ANKZF1: variants seen among roughly 807,000 people sequenced by gnomAD.
ANKZF1 encodes the protein ankyrin repeat and zinc finger peptidyl tRNA hydrolase 1.
A neutral mutation model predicts 86.0 loss-of-function variants in ANKZF1; 84 were observed. That is an observed-to-expected ratio of 0.98 (90% CI 0.82 to 1.17). The LOEUF (loss-of-function observed/expected upper bound fraction) is 1.17. ANKZF1 is among the 50% of genes most tolerant of loss of function. The pLI is 0.00. For synonymous variants in ANKZF1, 331 were observed against 354.2 expected, an observed-to-expected ratio of 0.93 and a Z score of 0.74; for missense variants, 893 against 918.4, an observed-to-expected ratio of 0.97 and a Z score of 0.36.
At chr2:219,235,659 C>T in intron 11 of ANKZF1, 49 bp from the exon 12 acceptor site, 1 of 1,610,964 alleles carries the variant, frequency 6.2e-7, no homozygotes, top group Non-Finnish European at 8.5e-7. Context: ...CTACTTCTTG[C>T]AGTTTTACCA....
In ANKZF1 at chr2:219,234,975, G is replaced by C. The variant is rs763178651; in HGVS notation, c.1354G>C (p.Ala452Pro). The stretch of plus-strand genomic sequence containing the variant: ...GAAGGAGAAAAGCCGAGACCAGGAG[G>C]CTGGGGCACATCGGACTCTTCTCCA... ...NKKEKSRDQE[A>P]GAHRTLLQQT... The change falls in exon 10 of 14, where the codon GCT becomes CCT. Residue 452 changes from alanine (A) to proline (P), a missense_variant. Transcript: ENST00000323348. 21 of 1,614,124 alleles carry C rather than the reference G, an allele frequency of 1.3e-5. No homozygotes were observed. Among genetic ancestry groups the C allele is most frequent in the Non-Finnish European group, 1.7e-5 (20 of 1,180,056 alleles).
chr2:219,231,779 A>T (rs1951044562), intron 2 of ANKZF1, 149 bp from the exon 3 acceptor site: 1 of 641,132 alleles, frequency 1.6e-6, no homozygotes, highest in Admixed American at 2.8e-5. Context: ...TGTTTATTTC[A>T]TGACTATTAG....
Position 219,235,702 on chromosome 2 carries a change from C to T in ANKZF1, c.1804-6C>T. The T allele has an allele frequency of 1.2e-6, 2 of 1,613,846 alleles. No individual in the cohort carries two copies. The highest frequency in any genetic ancestry group is 2.2e-5 in the South Asian group (2 of 91,078). ...CTTATAGGGTCTTATATTTGAAATC[C>T]TCCAGGTGCCAGGACCATTGACACC... On this transcript the variant is annotated splice_region_variant and splice_polypyrimidine_tract_variant and intron_variant, in intron 11 of 13. Coordinates refer to ENST00000323348, the MANE Select transcript of ANKZF1 (RefSeq NM_018089.3).
Position 219,234,892 on chromosome 2 carries a change from C to G in ANKZF1, c.1271C>G (p.Thr424Ser). Residue 424 changes from threonine (T) to serine (S), a missense_variant, in exon 10 of 14, where the codon ACT (threonine) becomes AGT (serine). Physicochemically the swap from Thr to Ser is moderately conservative, Grantham distance 58. Transcript: ENST00000323348. ...GAGCTAGTGGAGTTGACTGTGGGGA[C>G]TCTGGATCTTTGTGAGTCTGAAGTA... Reference protein sequence around the residue: ...ELELVELTVGTLDLCESEVLP... With the variant: ...ELELVELTVGSLDLCESEVLP... 6.2e-7 allele frequency: 1 copy of G among 1,614,072 alleles called. No homozygotes were observed. Among genetic ancestry groups the G allele is most frequent in the Non-Finnish European group, 8.5e-7 (1 of 1,180,028 alleles).
intron 9 of ANKZF1, 27 bp from the exon 10 acceptor site, chr2:219,234,799 G>C (rs1290106673): frequency 1.3e-6 from 2 of 1,590,754 alleles, no homozygotes; most frequent in Admixed American, 3.5e-5. Context: ...TCCCTAGATG[G>C]ATTTCACATG....
In ANKZF1 at chr2:219,236,275, A is replaced by G. The variant is rs908733577; in HGVS notation, c.2058-47A>G. 5 of 1,612,826 alleles carry G rather than the reference A, an allele frequency of 3.1e-6. No individual in the cohort carries two copies. In the African/African-American group the frequency reaches 6.7e-5, roughly 22 times the overall value. On this transcript the variant is annotated intron_variant, in intron 13 of 13. Coordinates refer to ENST00000323348, the MANE Select transcript of ANKZF1 (RefSeq NM_018089.3). ...GAGGGACGGGGAGAGCGTGGATTGG[A>G]AAGTTTCTGGGGTACCTGTCCAGCC... is the stretch of plus-strand genomic sequence containing the variant.
chr2:219,230,531 A>AAGTG, intron 2 of ANKZF1, 126 bp downstream of exon 2: 2 of 1,276,956 alleles, frequency 1.6e-6, no homozygotes, highest in Non-Finnish European at 2.1e-6. Flanking sequence ...CTGCTTGATT[A>AAGTG]AATTCACTTA....
At position 219,235,269 on chromosome 2, in the gene ANKZF1, G is replaced by T; in HGVS notation, c.1648G>T (p.Val550Leu). ...HAAAAAGRGS[V>L]VRLLLEAGAD... ...AGCAGCTGCAGCTGGAAGAGGCTCA[G>T]TGGTTCGTCTGCTGCTGGAAGCAGG... Residue 550 changes from valine to leucine, a missense_variant, in exon 10 of 14, where the codon GTG (valine) becomes TTG (leucine). Transcript: ENST00000323348. 1 of 1,612,024 alleles carries T rather than the reference G, an allele frequency of 6.2e-7. No individual in the cohort carries two copies. The highest frequency in any genetic ancestry group is 8.5e-7 in the Non-Finnish European group (1 of 1,179,962).
chr2:219,234,466 T>G lies in ANKZF1; in HGVS notation c.1204+178T>G, dbSNP rs537274222. ...TCCAAATCTATTATCTCTTTTGTTATGGATGTTTCCCCAGAGCTAAGAAAA... is the reference window on the plus strand; with the variant it reads ...TCCAAATCTATTATCTCTTTTGTTAGGGATGTTTCCCCAGAGCTAAGAAAA... On this transcript the variant is annotated intron_variant, in intron 9 of 13. Coordinates refer to ENST00000323348, the MANE Select transcript of ANKZF1 (RefSeq NM_018089.3). 3.8e-5 allele frequency: 32 copies of G among 844,328 alleles called. No homozygotes were observed. The South Asian group carries it at 5.1e-4, about 13-fold the overall frequency. 52.3% of individuals were successfully genotyped at this position (844,328 alleles called of 1,614,324 possible).
intron 8 of ANKZF1, 76 bp downstream of exon 8, chr2:219,234,019 T>G: frequency 6.5e-7 from 1 of 1,529,246 alleles, no homozygotes; most frequent in Non-Finnish European, 8.8e-7. Context: ...CTCATTGGTA[T>G]ATCCAGAGGA....
At chr2:219,234,105 T>C in intron 8 of ANKZF1, 28 bp from the exon 9 acceptor site, 1 of 1,601,964 alleles carries the variant, frequency 6.2e-7, no homozygotes, top group Non-Finnish European at 8.5e-7. Context: ...TCAGCTAAGG[T>C]TGAGAAAGAT....
Position 219,232,695 on chromosome 2 carries a change from T to C in ANKZF1, c.558+12T>C. The C allele has an allele frequency of 6.2e-7, 1 of 1,610,984 alleles. No homozygotes were observed. The highest frequency in any genetic ancestry group is 8.5e-7 in the Non-Finnish European group (1 of 1,178,460). The stretch of plus-strand genomic sequence containing the variant: ...TAGGCCCTCATCAGGCAAGTGACAG[T>C]ACAGGTTGCATGGCTAACCCCAGCC... On this transcript the variant is annotated intron_variant, in intron 5 of 13. Transcript: ENST00000323348.
In ANKZF1 at chr2:219,235,472, A is replaced by G; in HGVS notation, c.1692-2A>G. The G allele has an allele frequency of 6.2e-7, 1 of 1,613,906 alleles. No homozygotes were observed. Among genetic ancestry groups the G allele is most frequent in the Non-Finnish European group, 8.5e-7 (1 of 1,179,906 alleles). On this transcript the variant is annotated splice_acceptor_variant, in intron 10 of 13. Coordinates refer to ENST00000323348, the MANE Select transcript of ANKZF1 (RefSeq NM_018089.3). LOFTEE classifies it high-confidence loss of function. ...ACCCATTTTTGGAGTTTTTGCACCT[A>G]GGGACTCTCGGGCCCGGCCACCTTA...
At chr2:219,230,158 G>A in intron 1 of ANKZF1, 70 bp from the exon 2 acceptor site, 1 of 1,397,454 alleles carries the variant, frequency 7.2e-7, no homozygotes, top group South Asian at 1.4e-5. Flanking sequence ...AACCAAGTCA[G>A]GCAGGCAGGA....
In ANKZF1 at chr2:219,235,795, C is replaced by G. The variant is rs370657320; in HGVS notation, c.1891C>G (p.Gln631Glu). The change falls in exon 12 of 14, where the codon CAG (glutamine) becomes GAG (glutamate). Residue 631 changes from glutamine to glutamate, a missense_variant. Gln to Glu is a conservative substitution (Grantham distance 29). Transcript: ENST00000323348. ...QKAARRQREE[Q>E]QQRQQEQEER... ...GGCAGCCCGGCGGCAACGGGAGGAA[C>G]AGCAGCAGAGGCAGCAGGAGCAGGA... The G allele has an allele frequency of 2.5e-6, 4 of 1,614,100 alleles. No homozygotes were observed. The highest frequency in any genetic ancestry group is 3.4e-6 in the Non-Finnish European group (4 of 1,180,056).
chr2:219,232,092 G>GT lies in ANKZF1; in HGVS notation c.261+53dup, dbSNP rs1463735857. The GT allele has an allele frequency of 2.0e-6, 3 of 1,497,572 alleles. No individual in the cohort carries two copies. The African/African-American group carries it at 4.2e-5, about 21-fold the overall frequency. 92.8% of individuals were successfully genotyped at this position (1,497,572 alleles called of 1,614,324 possible). ...GTTAGAAGCAAAAGTGTAATGGTGG[G>GT]TGGGGAGAGGTAGACATTTGATTTG... is the stretch of plus-strand genomic sequence containing the variant. On this transcript the variant is annotated intron_variant, in intron 3 of 13. Coordinates refer to ENST00000323348, the MANE Select transcript of ANKZF1 (RefSeq NM_018089.3).
rs760147322 is a variant in ANKZF1, at chr2:219,236,432, G to A, written c.2168G>A (p.Arg723Lys). Residue 723 changes from arginine (R) to lysine (K), a missense_variant, in exon 14 of 14, where the codon AGG (arginine) becomes AAG (lysine). Arg to Lys is a conservative substitution (Grantham distance 26). Transcript: ENST00000323348. Reference protein sequence around the residue: ...CLQDHRRQAGRPSS With the variant: ...CLQDHRRQAGKPSS ...CAGGATCATCGCCGTCAGGCAGGGA[G>A]GCCCTCTTCCTGATCTCTTACAGCT... The A allele has an allele frequency of 6.2e-7, 1 of 1,606,020 alleles. No individual in the cohort carries two copies. Among genetic ancestry groups the A allele is most frequent in the South Asian group, 1.1e-5 (1 of 89,964 alleles).
chr2:219,232,453 G>A (rs1951071296), intron 4 of ANKZF1, 37 bp from the exon 5 acceptor site: 4 of 1,611,830 alleles, frequency 2.5e-6, no homozygotes, highest in African/African-American at 1.3e-5. Flanking sequence ...CAAAAATGGG[G>A]TACCAAACTT....
rs754310357 is a variant in ANKZF1 at position 219,233,141 on chromosome 2, C to T, written c.621C>T (p.Cys207=). 2.7e-5 allele frequency: 44 copies of T among 1,614,172 alleles called. No homozygotes were observed. Among genetic ancestry groups the T allele is most frequent in the East Asian group, 2.5e-4 (11 of 44,890 alleles). The change falls in exon 6 of 14, where the codon TGC becomes TGT. Residue 207 remains cysteine, a synonymous_variant. Transcript: ENST00000323348. The part of the protein sequence containing the change: ...QNLQSRGPRD[C]VVLMAAAGHF... ...TGCAAAGTAGAGGTCCCAGAGACTGCGTGGTGCTCATGGCTGCAGCTGGGC... is the reference window on the plus strand; with the variant it reads ...TGCAAAGTAGAGGTCCCAGAGACTGTGTGGTGCTCATGGCTGCAGCTGGGC...
Sources: allele counts gnomAD v4.1 joint callset, GRCh38; gene constraint gnomAD v4.1.1; transcripts MANE v1.5; gene names NCBI Gene and HGNC (gene_info 2026-07-23, HGNC 2026-07-21).